Variants in GPR137B observed in about 807,000 individuals in gnomAD.
GPR137B encodes G protein-coupled receptor 137B.
In GPR137B, 42 loss-of-function variants were observed where a neutral mutation model predicts 42.5. That is an observed-to-expected ratio of 0.99 (90% confidence interval 0.77 to 1.28). The LOEUF (loss-of-function observed/expected upper bound fraction) is 1.28, where lower values mean the gene tolerates loss of function less well. Among genes scored for constraint, GPR137B ranks in the 50% most tolerant of loss-of-function variants. GPR137B has a pLI of 0.00. For synonymous variants in GPR137B, 218 were observed against 209.7 expected (o/e 1.04, Z -0.34); for missense variants, 487 against 493.9 (o/e 0.99, Z 0.13).
At chr1:236,201,269 T>C (rs1663484733) in intron 5 of GPR137B, among the ~76,000 whole-genome samples, 1 of 152,064 alleles carries the variant, frequency 6.6e-6, no homozygotes, top group African/African-American at 2.4e-5. Flanking sequence ...CTGATCATCT[T>C]TTTGCAATTA....
intron 1 of GPR137B, among the ~76,000 whole-genome samples, chr1:236,162,867 G>T (rs1662238528): frequency 6.6e-6 from 1 of 152,232 alleles, no homozygotes; most frequent in Non-Finnish European, 1.5e-5. Flanking sequence ...AGTGCAGAAG[G>T]GAAATGTGGG....
chr1:236,163,025 C>T (rs1051175232), intron 1 of GPR137B, among the ~76,000 whole-genome samples: 4 of 152,168 alleles, frequency 2.6e-5, no homozygotes, highest in Non-Finnish European at 5.9e-5. Context: ...AACACCAGCC[C>T]GTGAAAGCAG....
At chr1:236,190,210 T>G (rs958919921) in intron 5 of GPR137B, among the ~76,000 whole-genome samples, 6 of 151,730 alleles carry the variant, frequency 4.0e-5, no homozygotes, top group African/African-American at 1.5e-4. Flanking sequence ...CCCTTTATTT[T>G]GAGCCTATGT....
At chr1:236,189,469 C>T (rs1663127639) in intron 5 of GPR137B, among the ~76,000 whole-genome samples, 1 of 152,134 alleles carries the variant, frequency 6.6e-6, no homozygotes, top group Non-Finnish European at 1.5e-5. Context: ...CTGTAAATTT[C>T]CCTCTACACA....
chr1:236,167,420 A>C (rs1662392734), intron 1 of GPR137B, among the ~76,000 whole-genome samples: 2 of 152,226 alleles, frequency 1.3e-5, no homozygotes, highest in Admixed American at 1.3e-4. Flanking sequence ...ACAGAAAGAC[A>C]AATAGATCCC....
intron 1 of GPR137B, among the ~76,000 whole-genome samples, chr1:236,161,314 G>A (rs111839828): frequency 0.012 from 1,793 of 152,058 alleles, 43 homozygotes; most frequent in African/African-American, 0.041. Context: ...ACCCCAGCCC[G>A]ACCTTCTGCT....
At chr1:236,205,093 G>GT (rs1558497686) in intron 5 of GPR137B, 33 bp from the exon 6 acceptor site, 2 of 1,564,198 alleles carry the variant, frequency 1.3e-6, no homozygotes, top group Admixed American at 3.4e-5. Context: ...CATGATGTCT[G>GT]TAAGTATGCT....
rs995680058 is a variant in GPR137B, at chr1:236,168,740, A to T, written c.449A>T (p.Glu150Val). 2.5e-6 allele frequency: 4 copies of T among 1,609,116 alleles called. No homozygotes were observed. The highest frequency in any genetic ancestry group is 1.3e-5 in the African/African-American group (1 of 74,810). Reference sequence around the variant, plus strand: ...AAAGCCAAGTCAAAATATTCTCCAGAATTACTCAAATACCGGTAAGTACTG... The same window carrying T: ...AAAGCCAAGTCAAAATATTCTCCAGTATTACTCAAATACCGGTAAGTACTG... ...IFKAKSKYSP[E>V]LLKYRLPLYL... The change falls in exon 2 of 7, where the codon GAA (glutamate) becomes GTA (valine). Residue 150 changes from glutamate to valine, a missense_variant. By Grantham distance (121) the Glu-to-Val change is moderately radical (BLOSUM62 -2). Coordinates refer to ENST00000366592, the MANE Select transcript of GPR137B (RefSeq NM_003272.4).
chr1:236,205,756 G>T (rs1558497989), intron 6 of GPR137B, among the ~76,000 whole-genome samples: 1 of 152,130 alleles, frequency 6.6e-6, no homozygotes, highest in Non-Finnish European at 1.5e-5. Flanking sequence ...GGCCAGGCTG[G>T]ATTGAACTCC....
chr1:236,168,596 A>T, intron 1 of GPR137B, 110 bp from the exon 2 acceptor site: 1 of 779,276 alleles, frequency 1.3e-6, no homozygotes, highest in Non-Finnish European at 2.3e-6. Flanking sequence ...ATTATAAAAA[A>T]CGTGCCCAGC....
At chr1:236,186,286 A>AT (rs1558491451) in intron 5 of GPR137B, among the ~76,000 whole-genome samples, 2 of 58,552 alleles carry the variant, frequency 3.4e-5, no homozygotes, top group African/African-American at 5.5e-5. Context: ...TAATAATATA[A>AT]ATAATATATA....
chr1:236,203,299 G>T (rs1663552980), intron 5 of GPR137B, among the ~76,000 whole-genome samples: 2 of 152,060 alleles, frequency 1.3e-5, no homozygotes, highest in African/African-American at 4.8e-5. Flanking sequence ...GGATGGTCTT[G>T]ATCTCCTGAC....
intron 2 of GPR137B, among the ~76,000 whole-genome samples, chr1:236,177,852 G>A (rs188719668): frequency 7.2e-5 from 11 of 151,874 alleles, no homozygotes; most frequent in Non-Finnish European, 1.3e-4. Context: ...CACTGCACCC[G>A]GCCTGTGGCA....
At chr1:236,187,325 CTTTAA>C (rs1242172495) in intron 5 of GPR137B, among the ~76,000 whole-genome samples, 5 of 152,120 alleles carry the variant, frequency 3.3e-5, no homozygotes, top group Non-Finnish European at 7.3e-5. Flanking sequence ...TGCAGAAGCT[CTTTAA>C]TTTAATTAGA....
chr1:236,158,042 A>G (rs1429116994), intron 1 of GPR137B, among the ~76,000 whole-genome samples: 2 of 152,158 alleles, frequency 1.3e-5, no homozygotes, highest in African/African-American at 4.8e-5. Context: ...AAAAACACCA[A>G]ATTCAGGATA....
intron 5 of GPR137B, among the ~76,000 whole-genome samples, chr1:236,202,972 G>T (rs567512847): frequency 1.3e-5 from 2 of 152,270 alleles, no homozygotes; most frequent in Non-Finnish European, 2.9e-5. Context: ...CTTTTCCCCA[G>T]TGTATGTTCT....
At chr1:236,172,548 T>C (rs1414553748) in intron 2 of GPR137B, among the ~76,000 whole-genome samples, 1 of 152,260 alleles carries the variant, frequency 6.6e-6, no homozygotes, top group African/African-American at 2.4e-5. Context: ...TCAGGCTTTC[T>C]CTTTCTCAGT....
At chr1:236,176,329 G>C (rs1462998238) in intron 2 of GPR137B, among the ~76,000 whole-genome samples, 3 of 152,146 alleles carry the variant, frequency 2.0e-5, no homozygotes, top group Non-Finnish European at 4.4e-5. Flanking sequence ...ACAGCTCTTG[G>C]GGGGTGGGGG....
intron 5 of GPR137B, among the ~76,000 whole-genome samples, chr1:236,195,121 AC>A (rs1362813551): frequency 6.6e-6 from 1 of 152,070 alleles, no homozygotes; most frequent in Non-Finnish European, 1.5e-5. Context: ...CAATCCAATC[AC>A]ACTCTTTTAG....
Sources: allele counts gnomAD v4.1 joint callset (sites outside exome capture counted in the v4.1 genomes callset), GRCh38; gene constraint gnomAD v4.1.1; transcripts MANE v1.5; gene names NCBI Gene and HGNC (gene_info 2026-07-23, HGNC 2026-07-21).